GABPB1: variants seen among roughly 807,000 people sequenced by gnomAD.
The protein encoded by GABPB1 is GA-binding protein subunit beta-1.
Under a neutral mutation model 45.9 loss-of-function variants are expected in GABPB1, and 15 were observed. The observed-to-expected ratio is 0.33, with a 90% CI of 0.22 to 0.50. The LOEUF is 0.50. GABPB1 is among the 20% of genes least tolerant of loss of function. The probability of loss-of-function intolerance (pLI) is 0.98; values close to 1 mark genes in which losing one functional copy is unlikely to be tolerated. For missense variants in GABPB1, 252 were observed against 457.5 expected, an observed-to-expected ratio of 0.55 and a Z score of 4.10; for synonymous variants, 143 against 154.4, an observed-to-expected ratio of 0.93 and a Z score of 0.55.
intron 1 of GABPB1, among the ~76,000 whole-genome samples, chr15:50,324,216 A>T (rs980870314): frequency 6.7e-6 from 1 of 149,870 alleles, no homozygotes; most frequent in Admixed American, 6.6e-5. Flanking sequence ...AAAAAAAAAA[A>T]ATTTTTTTTA....
chr15:50,328,496 A>T lies in GABPB1; in HGVS notation c.1-18698T>A, dbSNP rs1240792616. Among the ~76,000 whole-genome samples the T allele has an allele frequency of 2.0e-5, 3 of 152,210 alleles. No homozygotes were observed. In the East Asian group the frequency reaches 5.8e-4, roughly 29 times the overall value. On this transcript the variant is annotated intron_variant, in intron 1 of 8. Coordinates refer to ENST00000380877, the MANE Select transcript of GABPB1 (RefSeq NM_016654.5). ...ACAAACTAAGTCTCTGAAGTTAATT[A>T]AAATTCGGATTTAATATTTTAGACA... is the stretch of plus-strand genomic sequence containing the variant.
At chr15:50,317,177 C>T (rs2047363836) in intron 1 of GABPB1, among the ~76,000 whole-genome samples, 1 of 151,290 alleles carries the variant, frequency 6.6e-6, no homozygotes, top group African/African-American at 2.4e-5. Context: ...AGGTGGATCA[C>T]CTGAGGTCAG....
intron 1 of GABPB1, among the ~76,000 whole-genome samples, chr15:50,313,223 A>G (rs2047192212): frequency 6.6e-6 from 1 of 152,218 alleles, no homozygotes. Context: ...AGACAGGACC[A>G]TATGTTTTAC....
chr15:50,280,780 T>G (rs909707876), intron 8 of GABPB1, among the ~76,000 whole-genome samples: 1 of 151,860 alleles, frequency 6.6e-6, no homozygotes, highest in African/African-American at 2.4e-5. Context: ...AAACAAAAAC[T>G]TACATTATGT....
intron 2 of GABPB1, among the ~76,000 whole-genome samples, chr15:50,308,629 GC>G (rs1668786240): frequency 6.6e-6 from 1 of 152,096 alleles, no homozygotes. Context: ...AGTACCCCAA[GC>G]CAGTGAGGTG....
Position 50,303,056 on chromosome 15 carries a change from T to C in GABPB1, c.344A>G (p.Asn115Ser), listed in dbSNP as rs1188726387. The part of the protein sequence containing the change: ...MTALHWATEH[N>S]HQEVVELLIK... ...TAAAAGTTCCACCACCTCTTGATGATTGTGTTCTGTGGCCCAATGGAGAGC... is the reference window on the plus strand; with the variant it reads ...TAAAAGTTCCACCACCTCTTGATGACTGTGTTCTGTGGCCCAATGGAGAGC... Residue 115 changes from asparagine (N) to serine (S), a missense_variant, in exon 4 of 9, where the codon AAT becomes AGT. Asn to Ser is a conservative substitution (Grantham distance 46, BLOSUM62 1). Around this residue, in one of 4 missense-constraint regions of GABPB1, gnomAD observed 35 missense variants for 143.7 expected, o/e 0.24. Transcript: ENST00000380877. The C allele has an allele frequency of 3.1e-6, 5 of 1,613,978 alleles. No individual in the cohort carries two copies. Among genetic ancestry groups the C allele is most frequent in the Non-Finnish European group, 4.2e-6 (5 of 1,179,964 alleles).
intron 6 of GABPB1, among the ~76,000 whole-genome samples, chr15:50,297,499 C>G (rs2046563917): frequency 6.6e-6 from 1 of 152,182 alleles, no homozygotes; most frequent in Non-Finnish European, 1.5e-5. Context: ...CAGGAGTGAG[C>G]CTGCGCTCCC....
intron 1 of GABPB1, chr15:50,349,727 A>C (rs1230765690): frequency 6.6e-6 from 1 of 152,218 alleles, no homozygotes; most frequent in Non-Finnish European, 1.5e-5. Flanking sequence ...ATTTCTACAA[A>C]CTTGCTTAAA....
In GABPB1 at chr15:50,280,047, T is replaced by C. The variant is rs1184192978; in HGVS notation, c.1000-1263A>G. ...TGTGATTCCACTTCCTTCCCCACAA[T>C]GGGAATGAAGCTAGATCCAACATTT... On this transcript the variant is annotated intron_variant, in intron 8 of 8. Transcript: ENST00000380877. Among the ~76,000 whole-genome samples, 8 of 152,112 alleles carry C rather than the reference T, an allele frequency of 5.3e-5. No homozygotes were observed. The East Asian group carries it at 1.3e-3, about 26-fold the overall frequency.
At chr15:50,289,355 G>T in intron 7 of GABPB1, 128 bp downstream of exon 7, 2 of 613,088 alleles carry the variant, frequency 3.3e-6, no homozygotes, top group South Asian at 2.6e-5. Context: ...ACATTCTTTG[G>T]AACACATACC....
Position 50,278,553 on chromosome 15 carries a change from G to T in GABPB1, c.*79C>A. On this transcript the variant is annotated 3_prime_UTR_variant, in exon 9 of 9. Transcript: ENST00000380877. ...TCTTCTATCATTCTGTATTCCCATG[G>T]CTGTACCTTTGTTGTGTACAGTTCA... The T allele has an allele frequency of 8.8e-7, 1 of 1,138,396 alleles. No individual in the cohort carries two copies. The allele number at this position is 1,138,396 out of a possible 1,614,324, so 70.5% of individuals were successfully genotyped here.
At chr15:50,349,047 A>G (rs1375174717) in intron 1 of GABPB1, 1 of 152,204 alleles carries the variant, frequency 6.6e-6, no homozygotes, top group Non-Finnish European at 1.5e-5. Context: ...TTAATATTTT[A>G]TAGGTTCCTT....
intron 1 of GABPB1, chr15:50,353,124 TATAA>T (rs761019159): frequency 6.6e-6 from 1 of 152,246 alleles, no homozygotes; most frequent in Non-Finnish European, 1.5e-5. Flanking sequence ...TGTAAATCAT[TATAA>T]ATATGTAATA....
At chr15:50,287,904 A>T (rs2046220999) in intron 7 of GABPB1, among the ~76,000 whole-genome samples, 1 of 152,112 alleles carries the variant, frequency 6.6e-6, no homozygotes, top group South Asian at 2.1e-4. Flanking sequence ...CTACAGCAAC[A>T]AACTCCTTTC....
At chr15:50,292,648 T>C (rs750624103) in intron 6 of GABPB1, among the ~76,000 whole-genome samples, 8 of 152,178 alleles carry the variant, frequency 5.3e-5, no homozygotes, top group Non-Finnish European at 1.0e-4. Context: ...ATACACGACA[T>C]TTGGAGGACA....
At chr15:50,284,588 G>A (rs949322721) in intron 8 of GABPB1, among the ~76,000 whole-genome samples, 3 of 152,024 alleles carry the variant, frequency 2.0e-5, no homozygotes, top group Non-Finnish European at 2.9e-5. Context: ...GAACTTTGAG[G>A]GAAACAGCAA....
chr15:50,353,140 A>G (rs2048916554), intron 1 of GABPB1: 1 of 152,232 alleles, frequency 6.6e-6, no homozygotes, highest in Non-Finnish European at 1.5e-5. Context: ...TATGTAATAG[A>G]ATTAAATGTT....
At chr15:50,281,420 C>T (rs532569096) in intron 8 of GABPB1, among the ~76,000 whole-genome samples, 205 of 152,218 alleles carry the variant, frequency 1.3e-3, no homozygotes, top group African/African-American at 4.7e-3. Context: ...ACCATGTTAG[C>T]CAGGATGGTC....
intron 1 of GABPB1, chr15:50,352,099 G>A (rs2048855124): frequency 6.6e-6 from 1 of 152,124 alleles, no homozygotes; most frequent in South Asian, 2.1e-4. Context: ...CAGGCTACTT[G>A]CAAACAGAGA....
Sources: allele counts gnomAD v4.1 joint callset (sites outside exome capture counted in the v4.1 genomes callset), GRCh38; gene constraint gnomAD v4.1.1; regional missense constraint gnomAD v4.1.1; transcripts MANE v1.5; gene names NCBI Gene and HGNC (gene_info 2026-07-23, HGNC 2026-07-21).